The following MEIOB variants were observed in gnomAD, a reference collection of about 807,000 sequenced individuals.
MEIOB encodes the protein meiosis-specific with OB domain-containing protein.
A neutral mutation model predicts 53.1 loss-of-function variants in MEIOB; 50 were observed. The ratio of observed to expected loss-of-function variants is 0.94; its 90% CI spans 0.75 to 1.19. MEIOB has a LOEUF of 1.19. Among genes scored for constraint, MEIOB ranks in the 50% most tolerant of loss-of-function variants. The pLI, the probability that MEIOB is intolerant of heterozygous loss-of-function variation, is 0.00. For missense variants in MEIOB, 551 were observed against 550.8 expected, an observed-to-expected ratio of 1.00 and a Z score of 0.00; for synonymous variants, 192 against 182.5, an observed-to-expected ratio of 1.05 and a Z score of -0.42.
intron 4 of MEIOB, among the ~76,000 whole-genome samples, chr16:1,860,773 A>G (rs1899421522): frequency 1.3e-5 from 2 of 152,170 alleles, no homozygotes; most frequent in African/African-American, 4.8e-5. Context: ...CATATGTTCA[A>G]TGACCCTATT....
intron 9 of MEIOB, among the ~76,000 whole-genome samples, chr16:1,849,146 C>A (rs1899097223): frequency 1.3e-5 from 2 of 152,106 alleles, no homozygotes; most frequent in South Asian, 4.1e-4. Flanking sequence ...TTAGGCTGGG[C>A]ACAGTGGCTC....
Position 1,853,118 on chromosome 16 carries a change from A to C in MEIOB, c.699T>G (p.Asp233Glu). The change falls in exon 9 of 14, where the codon GAT becomes GAG. Residue 233 changes from aspartate (D) to glutamate (E), a missense_variant. Asp to Glu is a conservative substitution (Grantham distance 45). Coordinates refer to ENST00000325962, the MANE Select transcript of MEIOB (RefSeq NM_001163560.3). ...GAAATTTGTCAAAATTTATTCTTAC[A>C]TCTGAGGCAAATATTACTGTTTGGG... Reference protein sequence around the residue: ...MPRETVIFASDVRINFDKFRN... With the variant: ...MPRETVIFASEVRINFDKFRN... 1 of 1,611,964 alleles carries C rather than the reference A, an allele frequency of 6.2e-7. No homozygotes were observed.
chr16:1,855,640 T>C (rs1266193277), intron 6 of MEIOB, among the ~76,000 whole-genome samples: 1 of 152,208 alleles, frequency 6.6e-6, no homozygotes, highest in Non-Finnish European at 1.5e-5. Context: ...ATAAACGTAA[T>C]AGCACTGTCT....
intron 5 of MEIOB, among the ~76,000 whole-genome samples, 176 bp downstream of exon 5, chr16:1,860,227 C>T (rs1040304244): frequency 2.6e-5 from 4 of 152,180 alleles, no homozygotes; most frequent in African/African-American, 9.7e-5. Flanking sequence ...TATCATGTGA[C>T]TCTGTATCAA....
intron 4 of MEIOB, among the ~76,000 whole-genome samples, chr16:1,861,177 T>G (rs1899432153): frequency 6.6e-6 from 1 of 152,212 alleles, no homozygotes; most frequent in African/African-American, 2.4e-5. Context: ...TAGACCTCTG[T>G]GTTTTCAAAG....
chr16:1,838,125 G>T, intron 12 of MEIOB: 1 of 603,848 alleles, frequency 1.7e-6, no homozygotes. Context: ...TCCCGTTTCT[G>T]AGGTTACAGG....
intron 13 of MEIOB, among the ~76,000 whole-genome samples, chr16:1,836,020 T>C (rs11248895): frequency 0.18 from 26,929 of 151,820 alleles, 2,508 homozygotes; most frequent in South Asian, 0.27. Flanking sequence ...CCACCATGCC[T>C]GGCTAATTTT....
Position 1,848,543 on chromosome 16 carries a change from C to CTTTT in MEIOB, c.779-3581_779-3580insAAAA, listed in dbSNP as rs1491207918. Among the ~76,000 whole-genome samples, 37 of 135,324 alleles carry CTTTT rather than the reference C, an allele frequency of 2.7e-4. 1 individual carries two copies. Among genetic ancestry groups the CTTTT allele is most frequent in the South Asian group, 1.2e-3 (5 of 4,296 alleles). 88.8% of individuals were successfully genotyped at this position (135,324 alleles called of 152,430 possible). On this transcript the variant is annotated intron_variant, in intron 9 of 13. Transcript: ENST00000325962. ...TATCCCTTCTCCTTTTTTTTTTTTT[C>CTTTT]CTTTTTTTTTTTTTTTGGAGACAGA...
rs954347869 is a variant in MEIOB at position 1,842,473 on chromosome 16, A to AT, written c.881-501dup. Among the ~76,000 whole-genome samples, 19 of 144,782 alleles carry AT rather than the reference A, an allele frequency of 1.3e-4. No homozygotes were observed. The South Asian group carries it at 1.8e-3, about 14-fold the overall frequency. 95.0% of individuals were successfully genotyped at this position (144,782 alleles called of 152,430 possible). On this transcript the variant is annotated intron_variant, in intron 10 of 13. Coordinates refer to ENST00000325962, the MANE Select transcript of MEIOB (RefSeq NM_001163560.3). ...CTACTTAAAAAAAAAAAAAAAAAAA[A>AT]TTAGCCAGGCATGGTGGTGCATGCC...
intron 4 of MEIOB, among the ~76,000 whole-genome samples, chr16:1,861,533 G>A (rs531444221): frequency 7.1e-6 from 1 of 140,264 alleles, no homozygotes; most frequent in South Asian, 2.3e-4. Context: ...TCGCATTGCA[G>A]TCTTTTTTTT....
Position 1,861,973 on chromosome 16 carries a change from A to G in MEIOB, c.259+12T>C. The G allele has an allele frequency of 1.3e-6, 2 of 1,548,524 alleles. No homozygotes were observed. The highest frequency in any genetic ancestry group is 1.7e-6 in the Non-Finnish European group (2 of 1,145,920). On this transcript the variant is annotated intron_variant, in intron 4 of 13. Coordinates refer to ENST00000325962, the MANE Select transcript of MEIOB (RefSeq NM_001163560.3). ...TATGATGGAAAAAGTTTAAGAATCAATGCCAACTTACCACAGTCACCAACC... is the reference window on the plus strand; with the variant it reads ...TATGATGGAAAAAGTTTAAGAATCAGTGCCAACTTACCACAGTCACCAACC...
At chr16:1,839,681 C>T (rs1316264805) in intron 11 of MEIOB, 2 of 431,234 alleles carry the variant, frequency 4.6e-6, no homozygotes, top group Non-Finnish European at 8.3e-6. Context: ...TTCCCTCCCT[C>T]TGCCAAGCCC....
At chr16:1,847,160 A>G (rs1374244305) in intron 9 of MEIOB, among the ~76,000 whole-genome samples, 2 of 151,708 alleles carry the variant, frequency 1.3e-5, no homozygotes, top group Non-Finnish European at 2.9e-5. Context: ...ATTTCAAAAA[A>G]AGAGAAAAAG....
At chr16:1,850,967 T>A (rs142484689) in intron 9 of MEIOB, among the ~76,000 whole-genome samples, 2 of 151,976 alleles carry the variant, frequency 1.3e-5, no homozygotes, top group African/African-American at 2.4e-5. Flanking sequence ...AAACCATACA[T>A]AGTACCTCCC....
At chr16:1,843,821 TATTC>T (rs1898969444) in intron 10 of MEIOB, among the ~76,000 whole-genome samples, 1 of 152,094 alleles carries the variant, frequency 6.6e-6, no homozygotes, top group Non-Finnish European at 1.5e-5. Context: ...AATAACCTAT[TATTC>T]ATTTTTATTT....
chr16:1,848,692 T>C (rs1255549407), intron 9 of MEIOB, among the ~76,000 whole-genome samples: 1 of 151,816 alleles, frequency 6.6e-6, no homozygotes, highest in East Asian at 1.9e-4. Flanking sequence ...ATAGGCACCA[T>C]ACCACCACGC....
Position 1,853,153 on chromosome 16 carries a change from A to T in MEIOB, c.683-19T>A, listed in dbSNP as rs201436120. 46 of 1,591,182 alleles carry T rather than the reference A, an allele frequency of 2.9e-5. 1 individual carries two copies. In the Admixed American group the frequency reaches 5.9e-4, roughly 20 times the overall value. Reference sequence around the variant, plus strand: ...AATATTACTGTTTGGGAAAAAAGCCATTTAAAATTATTACATGGGAGGATA... The same window carrying T: ...AATATTACTGTTTGGGAAAAAAGCCTTTTAAAATTATTACATGGGAGGATA... On this transcript the variant is annotated intron_variant, in intron 8 of 13. Transcript: ENST00000325962.
At chr16:1,838,503 A>G (rs1219531997) in intron 12 of MEIOB, among the ~76,000 whole-genome samples, 1 of 152,142 alleles carries the variant, frequency 6.6e-6, no homozygotes, top group African/African-American at 2.4e-5. Flanking sequence ...GCTAATCCCT[A>G]AGTATCTGCT....
chr16:1,847,440 T>C (rs886637893), intron 9 of MEIOB, among the ~76,000 whole-genome samples: 1 of 151,140 alleles, frequency 6.6e-6, no homozygotes, highest in Non-Finnish European at 1.5e-5. Flanking sequence ...CCAGCCTAGG[T>C]GACACAGCAA....
Sources: gnomAD v4.1 joint callset for allele counts (sites outside exome capture counted in the v4.1 genomes callset) on GRCh38, gnomAD v4.1.1 for gene constraint, MANE v1.5 for transcripts, NCBI Gene and HGNC (gene_info 2026-07-23, HGNC 2026-07-21) for gene names.